The following CASR variants were observed in gnomAD, a reference collection of about 807,000 sequenced individuals.
The protein encoded by CASR is calcium sensing receptor.
In CASR, 23 loss-of-function variants were observed where a neutral mutation model predicts 69.1. That is an observed-to-expected ratio of 0.33 (90% confidence interval 0.24 to 0.47). The LOEUF is 0.47. CASR is among the 20% of genes least tolerant of loss of function. The pLI is 1.00. For missense variants in CASR, 924 were observed against 1,356.1 expected (o/e 0.68, Z 5.00); for synonymous variants, 541 against 544.7 (o/e 0.99, Z 0.10).
chr3:122,184,351 AC>A (rs1308510417), intron 1 of CASR: 1 of 152,724 alleles, frequency 6.5e-6, no homozygotes, highest in Non-Finnish European at 1.5e-5. Context: ...CTGTGGCCGG[AC>A]CCGAAGGCGG....
chr3:122,285,131 A>G lies in CASR; in HGVS notation c.3177A>G (p.Ser1059=). ...CCCCAGCACTTGTAGTGTCCAGTTCACAGAGCTTTGTCATCAGTGGTGGAG... is the reference window on the plus strand; with the variant it reads ...CCCCAGCACTTGTAGTGTCCAGTTCGCAGAGCTTTGTCATCAGTGGTGGAG... The part of the protein sequence containing the change: ...ELSPALVVSS[S]QSFVISGGGS... Residue 1059 remains serine (S), a synonymous_variant, in exon 7 of 7, where the codon TCA becomes TCG. Transcript: ENST00000639785. 1.2e-6 allele frequency: 2 copies of G among 1,614,216 alleles called. No homozygotes were observed. Among genetic ancestry groups the G allele is most frequent in the Non-Finnish European group, 1.7e-6 (2 of 1,180,040 alleles).
chr3:122,263,512 A>G (rs2074651972), intron 4 of CASR, among the ~76,000 whole-genome samples: 1 of 152,248 alleles, frequency 6.6e-6, no homozygotes, highest in Admixed American at 6.5e-5. Flanking sequence ...TCCATGAATT[A>G]GGTAAAAATG....
intron 1 of CASR, among the ~76,000 whole-genome samples, chr3:122,249,060 C>A (rs2074456437): frequency 1.3e-5 from 2 of 152,220 alleles, no homozygotes; most frequent in African/African-American, 2.4e-5. Flanking sequence ...CCTTCCTTGT[C>A]CTGTCCAGGA....
intron 1 of CASR, among the ~76,000 whole-genome samples, chr3:122,192,356 A>G (rs2073847996): frequency 6.6e-6 from 1 of 152,206 alleles, no homozygotes; most frequent in Non-Finnish European, 1.5e-5. Flanking sequence ...TGTGGCTTAA[A>G]TGGGTTCATA....
chr3:122,243,502 T>G (rs2074398040), intron 1 of CASR, among the ~76,000 whole-genome samples: 1 of 152,078 alleles, frequency 6.6e-6, no homozygotes, highest in Non-Finnish European at 1.5e-5. Flanking sequence ...AAAATGGCTT[T>G]TATCCAAAAG....
chr3:122,283,774 C>A lies in CASR; in HGVS notation c.1820C>A (p.Ser607Ter). The change falls in exon 7 of 7, where the codon TCG becomes TAG. Residue 607 changes from serine (S) to a stop codon, truncating the protein, a stop_gained. Transcript: ENST00000639785. LOFTEE classifies it high-confidence loss of function. ...ATTGCCAAGGAGATCGAGTTTCTGT[C>A]GTGGACGGAGCCCTTTGGGATCGCA... Reference protein sequence around the residue: ...SCIAKEIEFLSWTEPFGIALT... With the variant: ...SCIAKEIEFL The A allele has an allele frequency of 1.9e-6, 3 of 1,614,094 alleles. No homozygotes were observed. The highest frequency in any genetic ancestry group is 2.5e-6 in the Non-Finnish European group (3 of 1,179,976).
At chr3:122,266,989 G>A (rs1417915778) in intron 4 of CASR, among the ~76,000 whole-genome samples, 6 of 152,206 alleles carry the variant, frequency 3.9e-5, no homozygotes, top group African/African-American at 7.2e-5. Flanking sequence ...GGGCAACAGA[G>A]CGAGACTCCG....
intron 3 of CASR, among the ~76,000 whole-genome samples, chr3:122,259,837 G>C (rs1455365935): frequency 6.6e-6 from 1 of 152,044 alleles, no homozygotes; most frequent in Non-Finnish European, 1.5e-5. Context: ...CACCGTGTTA[G>C]CCAGGATGGT....
chr3:122,228,331 TATC>T (rs2107606543), intron 1 of CASR, among the ~76,000 whole-genome samples: 1 of 152,364 alleles, frequency 6.6e-6, no homozygotes, highest in Admixed American at 6.5e-5. Context: ...TTATTTAAAT[TATC>T]AGCATATAAT....
chr3:122,222,281 C>G (rs545845859), intron 1 of CASR, among the ~76,000 whole-genome samples: 2 of 152,146 alleles, frequency 1.3e-5, no homozygotes, highest in African/African-American at 4.8e-5. Context: ...CTTTTAATAG[C>G]CTGTGTACTC....
At chr3:122,203,957 AT>A (rs552777019) in intron 1 of CASR, among the ~76,000 whole-genome samples, 29 of 150,744 alleles carry the variant, frequency 1.9e-4, no homozygotes, top group Non-Finnish European at 3.0e-4. Flanking sequence ...CCGTTTTTTC[AT>A]TTTTTTTAAT....
At chr3:122,209,932 A>G (rs1030784679) in intron 1 of CASR, among the ~76,000 whole-genome samples, 1 of 152,212 alleles carries the variant, frequency 6.6e-6, no homozygotes, top group African/African-American at 2.4e-5. Flanking sequence ...GCTGGTTCAA[A>G]TTACACAAAT....
At chr3:122,192,732 A>T (rs1442852890) in intron 1 of CASR, among the ~76,000 whole-genome samples, 1 of 152,236 alleles carries the variant, frequency 6.6e-6, no homozygotes, top group Non-Finnish European at 1.5e-5. Flanking sequence ...TGCATAGATT[A>T]CCAATGTCTA....
chr3:122,268,289 TG>T (rs1194545447), intron 4 of CASR, among the ~76,000 whole-genome samples: 1 of 152,230 alleles, frequency 6.6e-6, no homozygotes, highest in Non-Finnish European at 1.5e-5. Flanking sequence ...ATTATTCTTT[TG>T]TAGGTGAGGA....
intron 1 of CASR, among the ~76,000 whole-genome samples, chr3:122,239,241 C>A (rs997513879): frequency 2.6e-5 from 4 of 152,132 alleles, no homozygotes; most frequent in African/African-American, 9.7e-5. Context: ...ACCTGAGGTG[C>A]CCCTGGGCTT....
chr3:122,250,010 C>T (rs1002598816), intron 1 of CASR, among the ~76,000 whole-genome samples: 2 of 152,136 alleles, frequency 1.3e-5, no homozygotes, highest in Non-Finnish European at 2.9e-5. Context: ...TATCCACCTC[C>T]GTGCAGCAGA....
In CASR at chr3:122,284,212, A is replaced by G. The variant is rs2074934867; in HGVS notation, c.2258A>G (p.Asn753Ser). The change falls in exon 7 of 7, where the codon AAC becomes AGC. Residue 753 changes from asparagine (N) to serine (S), a missense_variant. Coordinates refer to ENST00000639785, the MANE Select transcript of CASR (RefSeq NM_000388.4). ...LYTAPPSSYR[N>S]QELEDEIIFI... The stretch of plus-strand genomic sequence containing the variant: ...ACCGCGCCCCCGTCAAGCTACCGCA[A>G]CCAGGAGCTGGAGGATGAGATCATC... 6.2e-7 allele frequency: 1 copy of G among 1,613,952 alleles called. No individual in the cohort carries two copies. The highest frequency in any genetic ancestry group is 1.3e-5 in the African/African-American group (1 of 74,926).
chr3:122,257,700 A>G (rs3749206), intron 3 of CASR: 113,139 of 253,234 alleles, frequency 0.45, 26,142 homozygotes, highest in Non-Finnish European at 0.49. Context: ...TTTTCCTTCT[A>G]CTTTTACTAA....
intron 3 of CASR, among the ~76,000 whole-genome samples, chr3:122,258,358 C>CTT (rs34570632): frequency 2.1e-3 from 243 of 115,192 alleles, no homozygotes; most frequent in African/African-American, 7.2e-3. Flanking sequence ...GGGAGGGCTC[C>CTT]TTTTTTTTTT....
Sources: gnomAD v4.1 joint callset for allele counts (sites outside exome capture counted in the v4.1 genomes callset) on GRCh38, gnomAD v4.1.1 for gene constraint, MANE v1.5 for transcripts, NCBI Gene and HGNC (gene_info 2026-07-23, HGNC 2026-07-21) for gene names.